The following METTL8 variants were observed in gnomAD, a reference collection of about 807,000 sequenced individuals.
METTL8 encodes tRNA N(3)-cytidine methyltransferase METTL8, mitochondrial.
In METTL8, 32 loss-of-function variants were observed where a neutral mutation model predicts 48.7. That is an observed-to-expected ratio of 0.66 (90% CI 0.50 to 0.88). METTL8 has a LOEUF of 0.88. Among genes scored for constraint, METTL8 ranks in the 40% least tolerant of loss-of-function variants. The pLI, the probability that METTL8 is intolerant of heterozygous loss-of-function variation, is 0.00. For synonymous variants in METTL8, 136 were observed against 157.1 expected (o/e 0.87, Z 1.01); for missense variants, 464 against 474.4 (o/e 0.98, Z 0.20).
At chr2:171,331,736 A>C in intron 6 of METTL8, 68 bp downstream of exon 6, 1 of 1,310,320 alleles carries the variant, frequency 7.6e-7, no homozygotes, top group Non-Finnish European at 1.1e-6. Context: ...CTTAAAATCA[A>C]AACAACTTTT....
intron 5 of METTL8, 95 bp from the exon 6 acceptor site, chr2:171,331,962 T>C (rs1685584601): frequency 3.5e-6 from 3 of 845,140 alleles, no homozygotes; most frequent in East Asian, 5.6e-5. Flanking sequence ...CATAGCTCAC[T>C]ATAACCTTGA....
At chr2:171,330,897 T>G (rs1258355926) in intron 6 of METTL8, among the ~76,000 whole-genome samples, 199 bp from the exon 7 acceptor site, 1 of 152,172 alleles carries the variant, frequency 6.6e-6, no homozygotes, top group Non-Finnish European at 1.5e-5. Context: ...CTCTTGGCCT[T>G]GATAACAAAT....
chr2:171,365,596 T>C (rs560874383), intron 2 of METTL8, among the ~76,000 whole-genome samples: 1 of 152,292 alleles, frequency 6.6e-6, no homozygotes, highest in East Asian at 1.9e-4. Flanking sequence ...CGCCAGGTGG[T>C]ATGGGGCTGG....
intron 3 of METTL8, among the ~76,000 whole-genome samples, chr2:171,341,463 T>C (rs1301471027): frequency 6.6e-6 from 1 of 152,000 alleles, no homozygotes; most frequent in Non-Finnish European, 1.5e-5. Flanking sequence ...GGTCTCAAAC[T>C]CCTGACCTCA....
chr2:171,356,952 A>ATTTTTTTTTTTTTTTTTT lies in METTL8; in HGVS notation c.235+3469_235+3470insAAAAAAAAAAAAAAAAAA, dbSNP rs763021449. ...CAAATTAGCCTTGTTCAAAGACAAT[A>ATTTTTTTTTTTTTTTTTT]TTTTTTTTTTTTTTTTTGAGACAGG... On this transcript the variant is annotated intron_variant, in intron 3 of 9. Transcript: ENST00000375258. 5.5e-4 allele frequency among the ~76,000 whole-genome samples: 43 copies of ATTTTTTTTTTTTTTTTTT among 78,466 alleles called. 12 individuals are homozygous for ATTTTTTTTTTTTTTTTTT. The highest frequency in any genetic ancestry group is 1.7e-3 in the East Asian group (4 of 2,318). 51.5% of individuals were successfully genotyped at this position (78,466 alleles called of 152,430 possible). A position where few individuals can be genotyped will look rare whatever the true frequency, so the allele number is the denominator to read the frequency against.
chr2:171,408,826 G>A (rs1011611089), intron 1 of METTL8, among the ~76,000 whole-genome samples: 2 of 152,116 alleles, frequency 1.3e-5, no homozygotes, highest in Admixed American at 6.6e-5. Flanking sequence ...AATAAAATGT[G>A]GCTAATAAGG....
chr2:171,407,276 T>C (rs929330342), intron 1 of METTL8, among the ~76,000 whole-genome samples: 1 of 151,720 alleles, frequency 6.6e-6, no homozygotes, highest in African/African-American at 2.4e-5. Flanking sequence ...AGCCCAGGAT[T>C]TTGAGGCTGC....
chr2:171,384,959 G>A (rs1037690744), intron 2 of METTL8, among the ~76,000 whole-genome samples: 2 of 151,872 alleles, frequency 1.3e-5, no homozygotes, highest in Admixed American at 6.6e-5. Flanking sequence ...AAATAAAAAA[G>A]AGTATCTTTA....
At chr2:171,377,825 C>T (rs1687128286) in intron 2 of METTL8, among the ~76,000 whole-genome samples, 1 of 152,116 alleles carries the variant, frequency 6.6e-6, no homozygotes, top group South Asian at 2.1e-4. Flanking sequence ...TATGGAGATT[C>T]CTTAAAGAAC....
intron 9 of METTL8, among the ~76,000 whole-genome samples, 156 bp from the exon 10 acceptor site, chr2:171,324,518 C>A (rs562732295): frequency 9.9e-5 from 15 of 152,254 alleles, no homozygotes; most frequent in African/African-American, 3.6e-4. Flanking sequence ...TGAAACCAAG[C>A]GAGTTTCTTC....
At chr2:171,408,528 G>A (rs772031222) in intron 1 of METTL8, among the ~76,000 whole-genome samples, 1 of 152,066 alleles carries the variant, frequency 6.6e-6, no homozygotes, top group Non-Finnish European at 1.5e-5. Flanking sequence ...CCGATCTCAC[G>A]TGATCCACCC....
At chr2:171,398,365 A>G (rs1260897871) in intron 1 of METTL8, among the ~76,000 whole-genome samples, 6 of 152,226 alleles carry the variant, frequency 3.9e-5, no homozygotes, top group African/African-American at 1.4e-4. Context: ...ACCATGGATG[A>G]ATCTTAAAGA....
intron 2 of METTL8, among the ~76,000 whole-genome samples, chr2:171,387,424 G>C (rs980932844): frequency 2.0e-5 from 3 of 152,066 alleles, no homozygotes; most frequent in African/African-American, 7.2e-5. Context: ...CAGATACTCA[G>C]GAGGCTGAGG....
chr2:171,363,925 G>A (rs964247943), intron 2 of METTL8, among the ~76,000 whole-genome samples: 1 of 149,452 alleles, frequency 6.7e-6, no homozygotes, highest in African/African-American at 2.5e-5. Context: ...CAATTCTCCT[G>A]CCTCAGCCTC....
At chr2:171,399,717 G>A (rs1228664853) in intron 1 of METTL8, among the ~76,000 whole-genome samples, 1 of 152,126 alleles carries the variant, frequency 6.6e-6, no homozygotes, top group East Asian at 1.9e-4. Flanking sequence ...TAATGCACAT[G>A]ACAAAATACC....
chr2:171,330,671 A>G lies in METTL8; in HGVS notation c.748T>C (p.Cys250Arg), dbSNP rs1685430346. The G allele has an allele frequency of 1.2e-6, 2 of 1,613,512 alleles. No individual in the cohort carries two copies. Among genetic ancestry groups the G allele is most frequent in the African/African-American group, 2.7e-5 (2 of 74,904 alleles). ...CATACATCATGAACAAAGGCAAAAC[A>G]CTGGGTTGCTCTGTAGGACGAGTGT... ...KSHSSYRATQ[C>R]FAFVHDVCDD... is the part of the protein sequence containing the mutation. The change falls in exon 7 of 10, where the codon TGT (cysteine) becomes CGT (arginine). Residue 250 changes from cysteine (C) to arginine (R), a missense_variant. Coordinates refer to ENST00000375258, the MANE Select transcript of METTL8 (RefSeq NM_001321154.2).
intron 2 of METTL8, among the ~76,000 whole-genome samples, chr2:171,377,446 A>G (rs1388201342): frequency 6.6e-6 from 1 of 152,242 alleles, no homozygotes; most frequent in African/African-American, 2.4e-5. Flanking sequence ...CAGAGTAAAC[A>G]GACAACCCAC....
At chr2:171,423,380 T>C (rs1313700857) in intron 1 of METTL8, among the ~76,000 whole-genome samples, 1 of 152,150 alleles carries the variant, frequency 6.6e-6, no homozygotes, top group African/African-American at 2.4e-5. Context: ...AGGTTGGAAC[T>C]GTTTGGAGGG....
rs1402780844 is a variant in METTL8 at position 171,323,723 on chromosome 2, A to G, written c.*449T>C. On this transcript the variant is annotated 3_prime_UTR_variant, in exon 10 of 10. Transcript: ENST00000375258. ...TACACTTTGACCTTGGGCTTGTTGT[A>G]GCTTTCCCTGGAAATAAGGTGTGCT... The G allele has an allele frequency of 6.5e-6, 1 of 152,992 alleles. No homozygotes were observed. Among genetic ancestry groups the G allele is most frequent in the African/African-American group, 2.4e-5 (1 of 41,484 alleles). 9.5% of individuals were successfully genotyped at this position (152,992 alleles called of 1,614,324 possible).
Sources: gnomAD v4.1 joint callset for allele counts (sites outside exome capture counted in the v4.1 genomes callset) on GRCh38, gnomAD v4.1.1 for gene constraint, MANE v1.5 for transcripts, NCBI Gene and HGNC (gene_info 2026-07-23, HGNC 2026-07-21) for gene names.